The following NKD1 variants were observed in gnomAD, a reference collection of about 807,000 sequenced individuals.
NKD1 encodes NKD inhibitor of Wnt signaling pathway 1.
NKD1 carries 21 observed loss-of-function variants against 56.0 expected under a neutral mutation model. That is an observed-to-expected ratio of 0.38 (90% confidence interval 0.27 to 0.54). The LOEUF (loss-of-function observed/expected upper bound fraction) is 0.54, where lower values mean the gene tolerates loss of function less well. Among genes scored for constraint, NKD1 ranks in the 20% least tolerant of loss-of-function variants. NKD1 has a pLI of 0.82. For missense variants in NKD1, 578 were observed against 642.7 expected (o/e 0.90, Z 1.09); for synonymous variants, 263 against 265.7 (o/e 0.99, Z 0.10).
intron 3 of NKD1, among the ~76,000 whole-genome samples, chr16:50,568,279 G>A (rs763134532): frequency 3.9e-5 from 6 of 152,226 alleles, no homozygotes; most frequent in Non-Finnish European, 8.8e-5. Flanking sequence ...GGGAAGAGAC[G>A]TGGTTAGCAC....
At chr16:50,568,860 G>A (rs757034705) in intron 3 of NKD1, among the ~76,000 whole-genome samples, 1 of 152,194 alleles carries the variant, frequency 6.6e-6, no homozygotes, top group Admixed American at 6.5e-5. Context: ...CAATGTGGAA[G>A]AAGGATGCAT....
At chr16:50,569,943 C>A (rs774567803) in intron 3 of NKD1, among the ~76,000 whole-genome samples, 4 of 152,110 alleles carry the variant, frequency 2.6e-5, no homozygotes, top group African/African-American at 9.7e-5. Context: ...TGGTTGGAGC[C>A]GGGCGGGCAC....
chr16:50,641,555 A>G lies in NKD1; in HGVS notation c.*7774A>G, dbSNP rs1962579714. 1 of 152,190 alleles carries G rather than the reference A, an allele frequency of 6.6e-6. No individual in the cohort carries two copies. 9.4% of individuals were successfully genotyped at this position (152,190 alleles called of 1,614,324 possible). On this transcript the variant is annotated 3_prime_UTR_variant, in exon 10 of 10. Coordinates refer to ENST00000268459, the MANE Select transcript of NKD1 (RefSeq NM_033119.5). ...GTTTACCCCAGGCTCCTGTTCCCAC[A>G]TGGCTGCAATCCGCCCGCCTCTTCC...
chr16:50,562,024 A>G (rs1245215002), intron 3 of NKD1, among the ~76,000 whole-genome samples: 1 of 152,342 alleles, frequency 6.6e-6, no homozygotes, highest in East Asian at 1.9e-4. Context: ...AAATATGTGC[A>G]GGGGAGCAGA....
At chr16:50,626,527 C>A (rs944595875) in intron 6 of NKD1, among the ~76,000 whole-genome samples, 1 of 152,178 alleles carries the variant, frequency 6.6e-6, no homozygotes. Flanking sequence ...GGCAGGCAGA[C>A]GCCAGGGGCT....
At chr16:50,571,117 A>C (rs1960873923) in intron 3 of NKD1, 1 of 491,930 alleles carries the variant, frequency 2.0e-6, no homozygotes, top group Non-Finnish European at 2.6e-6. Context: ...GGGGCTGCCC[A>C]TGGCCTGCTC....
intron 3 of NKD1, among the ~76,000 whole-genome samples, chr16:50,579,522 T>C (rs1449590820): frequency 8.2e-6 from 1 of 122,140 alleles, no homozygotes; most frequent in African/African-American, 3.7e-5. Context: ...ATGCACTGTC[T>C]TACTCCTGCG....
intron 3 of NKD1, among the ~76,000 whole-genome samples, chr16:50,568,511 C>T (rs997256033): frequency 1.7e-4 from 26 of 152,322 alleles, no homozygotes; most frequent in African/African-American, 5.3e-4. Context: ...CTGTGTCAAG[C>T]GCTTCCTCAT....
At chr16:50,597,753 G>A (rs1388288608) in intron 3 of NKD1, among the ~76,000 whole-genome samples, 2 of 152,150 alleles carry the variant, frequency 1.3e-5, no homozygotes, top group Non-Finnish European at 2.9e-5. Flanking sequence ...TGATCATCGT[G>A]CACTGCTGCG....
In NKD1 at chr16:50,630,409, C is replaced by T. The variant is rs543433822; in HGVS notation, c.610+76C>T. 3.4e-3 allele frequency: 5,184 copies of T among 1,513,742 alleles called. 15 individuals are homozygous for T. Among genetic ancestry groups the T allele is most frequent in the Non-Finnish European group, 4.0e-3 (4,454 of 1,108,970 alleles). The allele number at this position is 1,513,742 out of a possible 1,614,324, so 93.8% of individuals were successfully genotyped here. A position where few individuals can be genotyped will look rare whatever the true frequency, so the allele number is the denominator to read the frequency against. On this transcript the variant is annotated intron_variant, in intron 7 of 9. Transcript: ENST00000268459. ...AGGAACAGAGCCTTCCTGGGAGGGC[C>T]GGAAGGGAACCTGTGGGCTTTCTGG...
At chr16:50,630,392 A>G (rs1176566917) in intron 7 of NKD1, 59 bp downstream of exon 7, 2 of 1,582,758 alleles carry the variant, frequency 1.3e-6, no homozygotes, top group African/African-American at 2.7e-5. Context: ...GAAGGAACAG[A>G]GCCTTCCTGG....
At chr16:50,552,327 G>A (rs1960406679) in intron 3 of NKD1, 1 of 152,252 alleles carries the variant, frequency 6.6e-6, no homozygotes, top group South Asian at 2.1e-4. Context: ...CTTTCTAGGA[G>A]AAGCCATTTG....
intron 3 of NKD1, among the ~76,000 whole-genome samples, chr16:50,567,007 C>CT (rs1052485573): frequency 1.3e-5 from 2 of 149,718 alleles, no homozygotes; most frequent in African/African-American, 4.9e-5. Context: ...TTTTTATGGC[C>CT]CCCCCCCTTT....
intron 3 of NKD1, among the ~76,000 whole-genome samples, chr16:50,579,423 A>G (rs1961063924): frequency 7.0e-6 from 1 of 143,490 alleles, no homozygotes; most frequent in African/African-American, 2.6e-5. Context: ...CCTGCGGGCT[A>G]CCCGCTACAC....
rs1961317480 is a variant in NKD1, at chr16:50,589,756, TCTC to T, written c.193-18537_193-18535del. 1.0e-3 allele frequency among the ~76,000 whole-genome samples: 50 copies of T among 47,906 alleles called. 1 individual carries two copies. The highest frequency in any genetic ancestry group is 1.5e-3 in the Admixed American group (6 of 4,012). The allele number at this position is 47,906 out of a possible 152,430, so 31.4% of individuals were successfully genotyped here. On this transcript the variant is annotated intron_variant, in intron 3 of 9. Transcript: ENST00000268459. ...TCTCTTCTCTTCTCTTCTCTTCTCT[TCTC>T]TTCTCTCCTCTCCTCTCCTCTCCTC...
rs1383536850 is a variant in NKD1, at chr16:50,550,145, C to T, written c.192+590C>T. Among the ~76,000 whole-genome samples, 5 of 151,736 alleles carry T rather than the reference C, an allele frequency of 3.3e-5. No homozygotes were observed. The East Asian group carries it at 9.7e-4, about 29-fold the overall frequency. The stretch of plus-strand genomic sequence containing the variant: ...TAGCCTGGGCAGAGCCCTGAGCCTT[C>T]ACCCCGTGTGTCTCTGAGGCTGGAG... On this transcript the variant is annotated intron_variant, in intron 3 of 9. Coordinates refer to ENST00000268459, the MANE Select transcript of NKD1 (RefSeq NM_033119.5).
chr16:50,633,574 C>T lies in NKD1; in HGVS notation c.1206C>T (p.His402=), dbSNP rs767855023. The T allele has an allele frequency of 3.1e-6, 5 of 1,611,616 alleles. No individual in the cohort carries two copies. The South Asian group carries it at 3.3e-5, about 11-fold the overall frequency. Residue 402 remains histidine, a synonymous_variant, in exon 10 of 10, where the codon CAC becomes CAT. Transcript: ENST00000268459. The surrounding 1 kb of genome is among the most constrained non-coding windows in gnomAD (Gnocchi z 4.9). The stretch of plus-strand genomic sequence containing the variant: ...TAGCCCCCCTCGGGCACAAGAAGCA[C>T]AAGCACCGAGCCAAGGAGAGCCAGC... ...PSLAPLGHKK[H]KHRAKESQQG...
chr16:50,606,419 T>A (rs1428513414), intron 3 of NKD1: 1 of 245,464 alleles, frequency 4.1e-6, no homozygotes, highest in Non-Finnish European at 8.3e-6. Flanking sequence ...TCCGGGGAGC[T>A]TTCCAGTGTT....
chr16:50,621,008 CAT>C (rs1424705979), intron 4 of NKD1, among the ~76,000 whole-genome samples: 1 of 152,180 alleles, frequency 6.6e-6, no homozygotes, highest in Non-Finnish European at 1.5e-5. Context: ...AGGTGTGATG[CAT>C]GAGTGTACAT....
Sources: allele counts gnomAD v4.1 joint callset (sites outside exome capture counted in the v4.1 genomes callset), GRCh38; gene constraint gnomAD v4.1.1; non-coding constraint Gnocchi (gnomAD v3.1); transcripts MANE v1.5; gene names NCBI Gene and HGNC (gene_info 2026-07-23, HGNC 2026-07-21).